The following SMIM36 variants were observed in gnomAD, a reference collection of about 807,000 sequenced individuals.
SMIM36 encodes small integral membrane protein 36.
Position 55,509,715 on chromosome 17 carries a change from A to G in SMIM36, c.*174+1164T>C, listed in dbSNP as rs78593502. Reference sequence around the variant, plus strand: ...AAAGAAGAGGTTCAGTAAATCTCAAAGTAAATACATACGTTTCTCTGAGCT... The same window carrying G: ...AAAGAAGAGGTTCAGTAAATCTCAAGGTAAATACATACGTTTCTCTGAGCT... On this transcript the variant is annotated intron_variant, in intron 1 of 4. Transcript: ENST00000636752. Among the ~76,000 whole-genome samples the G allele has an allele frequency of 2.0e-3, 299 of 152,348 alleles. 14 individuals carry two copies. The East Asian group carries it at 0.051, about 26-fold the overall frequency.
intron 2 of SMIM36, among the ~76,000 whole-genome samples, chr17:55,479,118 G>A (rs1909475818): frequency 6.6e-6 from 1 of 152,188 alleles, no homozygotes; most frequent in African/African-American, 2.4e-5. Flanking sequence ...GACTTCCAAG[G>A]ACAGAGGATT....
At chr17:55,499,496 G>C (rs1170333644) in intron 1 of SMIM36, among the ~76,000 whole-genome samples, 1 of 152,132 alleles carries the variant, frequency 6.6e-6, no homozygotes, top group Non-Finnish European at 1.5e-5. Context: ...CTATCTCACA[G>C]GGGAGCATGA....
intron 3 of SMIM36, among the ~76,000 whole-genome samples, chr17:55,472,893 A>G (rs1319082333): frequency 6.6e-6 from 1 of 151,650 alleles, no homozygotes; most frequent in Admixed American, 6.6e-5. Context: ...AAAAGAAAAG[A>G]AAAAAGAAAA....
chr17:55,517,140 C>T, the SMIM36 span, among the ~76,000 whole-genome samples: 2 of 152,120 alleles, frequency 1.3e-5, no homozygotes, highest in African/African-American at 2.4e-5. Flanking sequence ...GAACAATGTC[C>T]AAGAAAGGTA....
At chr17:55,476,567 A>ATT (rs71159295) in intron 3 of SMIM36, among the ~76,000 whole-genome samples, 51 of 149,728 alleles carry the variant, frequency 3.4e-4, no homozygotes, top group Admixed American at 4.6e-4. Context: ...GATGGTCACT[A>ATT]TTTTTTTTTT....
chr17:55,530,770 T>G, the SMIM36 span, among the ~76,000 whole-genome samples: 1 of 148,864 alleles, frequency 6.7e-6, no homozygotes, highest in Non-Finnish European at 1.5e-5. Context: ...GTGACAGAGC[T>G]AGACTCCGCC....
intron 1 of SMIM36, among the ~76,000 whole-genome samples, chr17:55,485,774 T>C (rs976570979): frequency 1.3e-5 from 2 of 152,224 alleles, no homozygotes; most frequent in African/African-American, 4.8e-5. Context: ...GGCAGGTATC[T>C]ACTGTTATCA....
intron 1 of SMIM36, among the ~76,000 whole-genome samples, chr17:55,483,433 T>C (rs903340463): frequency 6.6e-6 from 1 of 152,230 alleles, no homozygotes; most frequent in South Asian, 2.1e-4. Context: ...AGGAAGGTAC[T>C]TTTGAAAAGA....
chr17:55,460,595 C>T (rs921597502), intron 4 of SMIM36, among the ~76,000 whole-genome samples: 4 of 152,082 alleles, frequency 2.6e-5, no homozygotes, highest in African/African-American at 4.8e-5. Context: ...CAGTGGCTCA[C>T]GCCTGTAATC....
chr17:55,456,869 A>G (rs1394931487), intron 4 of SMIM36, among the ~76,000 whole-genome samples: 1 of 152,210 alleles, frequency 6.6e-6, no homozygotes, highest in African/African-American at 2.4e-5. Context: ...CAACACATTA[A>G]AAAGGCAAAT....
intron 4 of SMIM36, among the ~76,000 whole-genome samples, chr17:55,459,361 G>T (rs746347240): frequency 3.3e-5 from 5 of 151,980 alleles, no homozygotes; most frequent in Non-Finnish European, 5.9e-5. Context: ...GATTTTTTTT[G>T]TTGTTGTTCA....
chr17:55,500,492 A>C lies in SMIM36; in HGVS notation c.*174+10387T>G, dbSNP rs559333429. 2.0e-5 allele frequency among the ~76,000 whole-genome samples: 3 copies of C among 152,014 alleles called. No homozygotes were observed. In the Admixed American group the frequency reaches 2.0e-4, roughly 10 times the overall value. ...CATTTTATATTGAAAAGATTGTTTT[A>C]AAGACTGAGAAGTTGGTTCCTTCTT... On this transcript the variant is annotated intron_variant, in intron 1 of 4. Transcript: ENST00000636752.
upstream of SMIM36, among the ~76,000 whole-genome samples, chr17:55,515,930 T>C (rs1225440651): frequency 6.6e-6 from 1 of 152,266 alleles, no homozygotes; most frequent in East Asian, 1.9e-4. Flanking sequence ...CAAGCTCTTT[T>C]AGATCCTCTT....
chr17:55,525,037 G>A, the SMIM36 span, among the ~76,000 whole-genome samples: 1,390 of 152,286 alleles, frequency 9.1e-3, 64 homozygotes, highest in East Asian at 0.11. Context: ...GCCCAAGGTC[G>A]TATGTTTTTA....
At chr17:55,525,704 C>A in the SMIM36 span, among the ~76,000 whole-genome samples, 6 of 152,160 alleles carry the variant, frequency 3.9e-5, no homozygotes, top group Non-Finnish European at 1.5e-5. Flanking sequence ...GTCATCCAGG[C>A]TGCAGTGCAG....
chr17:55,457,462 A>T (rs1909045294), intron 4 of SMIM36, among the ~76,000 whole-genome samples: 1 of 151,536 alleles, frequency 6.6e-6, no homozygotes, highest in South Asian at 2.1e-4. Flanking sequence ...AAAAAAAAAA[A>T]AAAAAAAAGA....
intron 3 of SMIM36, among the ~76,000 whole-genome samples, chr17:55,475,679 A>G (rs1377660420): frequency 6.6e-6 from 1 of 152,210 alleles, no homozygotes; most frequent in Non-Finnish European, 1.5e-5. Flanking sequence ...CAACCAAGCA[A>G]ATAATTACAC....
At chr17:55,455,791 CAAA>C (rs1296241535) in intron 4 of SMIM36, among the ~76,000 whole-genome samples, 1 of 151,386 alleles carries the variant, frequency 6.6e-6, no homozygotes, top group Admixed American at 6.6e-5. Flanking sequence ...AGAGCTGTTT[CAAA>C]AACAAAAACA....
upstream of SMIM36, among the ~76,000 whole-genome samples, chr17:55,515,078 A>G (rs1180473581): frequency 8.6e-6 from 1 of 115,960 alleles, no homozygotes; most frequent in Admixed American, 9.7e-5. Flanking sequence ...TTTGAATTCT[A>G]GTCTAGTGTT....
Sources: allele counts gnomAD v4.1 joint callset (sites outside exome capture counted in the v4.1 genomes callset), GRCh38; gene constraint gnomAD v4.1.1; transcripts MANE v1.5; gene names NCBI Gene and HGNC (gene_info 2026-07-23, HGNC 2026-07-21).